Variants in MPHOSPH8 observed in about 807,000 individuals in gnomAD.
The protein encoded by MPHOSPH8 is M-phase phosphoprotein 8, also known as M-phase phosphoprotein, mpp.
A neutral mutation model predicts 87.3 loss-of-function variants in MPHOSPH8; 45 were observed. The ratio of observed to expected loss-of-function variants is 0.52; its 90% CI spans 0.41 to 0.66. MPHOSPH8 has a LOEUF of 0.66. MPHOSPH8 is among the 30% of genes least tolerant of loss of function. MPHOSPH8 has a pLI of 0.00. For missense variants in MPHOSPH8, 883 were observed against 1,020.2 expected (o/e 0.87, Z 1.83); for synonymous variants, 366 against 376.9 (o/e 0.97, Z 0.33).
chr13:19,665,522 A>T (rs1380711844), intron 9 of MPHOSPH8, among the ~76,000 whole-genome samples: 2 of 152,110 alleles, frequency 1.3e-5, no homozygotes, highest in East Asian at 3.9e-4. Flanking sequence ...GGCGTCCCTA[A>T]CCTCTGCACT....
In MPHOSPH8 at chr13:19,671,948, C is replaced by T; in HGVS notation, c.*73C>T. 1.2e-5 allele frequency: 18 copies of T among 1,461,642 alleles called. 1 individual carries two copies. In the South Asian group the frequency reaches 2.1e-4, roughly 17 times the overall value. 90.5% of individuals were successfully genotyped at this position (1,461,642 alleles called of 1,614,324 possible). On this transcript the variant is annotated 3_prime_UTR_variant, in exon 14 of 14. Coordinates refer to ENST00000361479, the MANE Select transcript of MPHOSPH8 (RefSeq NM_017520.4). ...CTCTCTTTGACAGCAGTTTGGAATT[C>T]TTCTAGCACATCTATGTAAAGTTTT...
intron 7 of MPHOSPH8, among the ~76,000 whole-genome samples, chr13:19,660,442 T>C (rs1174734172): frequency 6.6e-6 from 1 of 152,198 alleles, no homozygotes; most frequent in Non-Finnish European, 1.5e-5. Flanking sequence ...TTATATTCTT[T>C]AGTTTTTTAG....
At position 19,643,466 on chromosome 13, in the gene MPHOSPH8, G is replaced by A. The variant is rs80026208; in HGVS notation, c.369+1196G>A. Among the ~76,000 whole-genome samples, 4 of 152,040 alleles carry A rather than the reference G, an allele frequency of 2.6e-5. No homozygotes were observed. In the East Asian group the frequency reaches 5.8e-4, roughly 22 times the overall value. On this transcript the variant is annotated intron_variant, in intron 2 of 13. Coordinates refer to ENST00000361479, the MANE Select transcript of MPHOSPH8 (RefSeq NM_017520.4). ...CTCTCTCTATTGATCAGGCTGGTAG[G>A]AACTCCTGGCCTCAAGTAATCCTCG... is the stretch of plus-strand genomic sequence containing the variant.
chr13:19,670,461 C>A, intron 12 of MPHOSPH8, 98 bp downstream of exon 12: 2 of 1,369,070 alleles, frequency 1.5e-6, no homozygotes, highest in South Asian at 1.4e-5. Context: ...AAAATATAAG[C>A]ATTCAGAAAA....
chr13:19,661,638 T>A, intron 7 of MPHOSPH8, 60 bp from the exon 8 acceptor site: 2 of 1,497,412 alleles, frequency 1.3e-6, no homozygotes, highest in Non-Finnish European at 1.8e-6. Context: ...TGAGAAGACT[T>A]GGTTCTGAAA....
chr13:19,646,425 CT>C lies in MPHOSPH8; in HGVS notation c.370-17del. ...TCAATATGTTAATGAATATTTTAAT[CT>C]GTTTTGTATTTTATAGAGACTATCC... On this transcript the variant is annotated splice_polypyrimidine_tract_variant and intron_variant, in intron 2 of 13. Transcript: ENST00000361479. 7.2e-7 allele frequency: 1 copy of C among 1,397,748 alleles called. No homozygotes were observed. The highest frequency in any genetic ancestry group is 9.4e-7 in the Non-Finnish European group (1 of 1,069,180). 86.6% of individuals were successfully genotyped at this position (1,397,748 alleles called of 1,614,324 possible). A position where few individuals can be genotyped will look rare whatever the true frequency, so the allele number is the denominator to read the frequency against.
intron 12 of MPHOSPH8, chr13:19,670,869 A>T: frequency 1.8e-6 from 2 of 1,104,358 alleles, no homozygotes; most frequent in Non-Finnish European, 2.4e-6. Context: ...TCCAGGCTGG[A>T]GTGCAGTGGC....
In MPHOSPH8 at chr13:19,671,266, T is replaced by A; in HGVS notation, c.2518T>A (p.Leu840Met). The A allele has an allele frequency of 6.2e-7, 1 of 1,613,908 alleles. No individual in the cohort carries two copies. The highest frequency in any genetic ancestry group is 8.5e-7 in the Non-Finnish European group (1 of 1,179,848). Residue 840 changes from leucine to methionine, a missense_variant, in exon 13 of 14, where the codon TTG becomes ATG. By Grantham distance (15) the Leu-to-Met change is conservative. Around this residue, in one of 3 missense-constraint regions of MPHOSPH8, gnomAD observed 741 missense variants for 841.5 expected, o/e 0.88. Coordinates refer to ENST00000361479, the MANE Select transcript of MPHOSPH8 (RefSeq NM_017520.4). The stretch of plus-strand genomic sequence containing the variant: ...AGGTCCCAATAAACTCTTCATAAGG[T>A]TGACAGAAGCACCCTCTGCCAAGGT... ...VAGPNKLFIR[L>M]TEAPSAKVKL...
At position 19,651,134 on chromosome 13, in the gene MPHOSPH8, G is replaced by T. The variant is rs140263630; in HGVS notation, c.1576+874G>T. On this transcript the variant is annotated intron_variant, in intron 5 of 13. Transcript: ENST00000361479. Reference sequence around the variant, plus strand: ...ATAAAATAAGCCTCTGACACAGTTTGTTGAGAACAAAAGAAACACATGAAA... The same window carrying T: ...ATAAAATAAGCCTCTGACACAGTTTTTTGAGAACAAAAGAAACACATGAAA... 9.2e-3 allele frequency among the ~76,000 whole-genome samples: 1,395 copies of T among 152,318 alleles called. 6 individuals are homozygous for T. Among genetic ancestry groups the T allele is most frequent in the Middle Eastern group, 0.037 (11 of 294 alleles).
intron 7 of MPHOSPH8, chr13:19,659,601 C>G (rs955813963): frequency 1.0e-5 from 4 of 392,462 alleles, no homozygotes; most frequent in African/African-American, 8.4e-5. Flanking sequence ...GAGGTCAAGG[C>G]TGTGGTAAGT....
At position 19,668,403 on chromosome 13, in the gene MPHOSPH8, T is replaced by A; in HGVS notation, c.2201T>A (p.Ile734Lys). The A allele has an allele frequency of 6.2e-7, 1 of 1,613,988 alleles. No homozygotes were observed. Among genetic ancestry groups the A allele is most frequent in the Non-Finnish European group, 8.5e-7 (1 of 1,179,910 alleles). ...ETLSRVAEET[I>K]KDYFEARLAL... ...CTTTCAAGAGTAGCAGAAGAGACAATAAAGGATTACTTTGAAGCTCGCCTT... is the reference window on the plus strand; with the variant it reads ...CTTTCAAGAGTAGCAGAAGAGACAAAAAAGGATTACTTTGAAGCTCGCCTT... The change falls in exon 11 of 14, where the codon ATA becomes AAA. Residue 734 changes from isoleucine (I) to lysine (K), a missense_variant. Ile to Lys is a moderately radical substitution (Grantham distance 102, BLOSUM62 -3). Around this residue, in one of 3 missense-constraint regions of MPHOSPH8, gnomAD observed 741 missense variants for 841.5 expected, o/e 0.88. Coordinates refer to ENST00000361479, the MANE Select transcript of MPHOSPH8 (RefSeq NM_017520.4).
At chr13:19,635,213 G>A (rs1873940932) in intron 1 of MPHOSPH8, among the ~76,000 whole-genome samples, 1 of 152,200 alleles carries the variant, frequency 6.6e-6, no homozygotes. Context: ...CTGGCACACA[G>A]GAGGTATTTG....
At position 19,673,324 on chromosome 13, in the gene MPHOSPH8, G is replaced by A. The variant is rs566188150; in HGVS notation, c.*1449G>A. The A allele has an allele frequency of 2.7e-5, 8 of 298,828 alleles. No homozygotes were observed. Among genetic ancestry groups the A allele is most frequent in the African/African-American group, 6.5e-5 (3 of 46,166 alleles). The allele number at this position is 298,828 out of a possible 1,614,324, so 18.5% of individuals were successfully genotyped here. ...ATTAGTTTATAATTGTATGAAATAC[G>A]ATTTTAATGAAAACTTTTCAGAATT... On this transcript the variant is annotated 3_prime_UTR_variant, in exon 14 of 14. Coordinates refer to ENST00000361479, the MANE Select transcript of MPHOSPH8 (RefSeq NM_017520.4).
chr13:19,643,931 G>A (rs1018547554), intron 2 of MPHOSPH8, among the ~76,000 whole-genome samples: 2 of 152,140 alleles, frequency 1.3e-5, no homozygotes, highest in African/African-American at 4.8e-5. Context: ...GGTCACAACA[G>A]TATTGCATGT....
rs563575286 is a variant in MPHOSPH8 at position 19,665,234 on chromosome 13, GTGTT to G, written c.2020-1186_2020-1183del. Among the ~76,000 whole-genome samples the G allele has an allele frequency of 1.5e-3, 221 of 152,302 alleles. 1 individual carries two copies. Among genetic ancestry groups the G allele is most frequent in the African/African-American group, 5.1e-3 (213 of 41,564 alleles). On this transcript the variant is annotated intron_variant, in intron 9 of 13. Coordinates refer to ENST00000361479, the MANE Select transcript of MPHOSPH8 (RefSeq NM_017520.4). ...TTTATCTGCCATGAGGTTTATTTAAGTGTTTGTTCCTGAAAAGCTGTATTTTAAT... is the reference window on the plus strand; with the variant it reads ...TTTATCTGCCATGAGGTTTATTTAAGTGTTCCTGAAAAGCTGTATTTTAAT...
chr13:19,659,271 A>G lies in MPHOSPH8; in HGVS notation c.1773A>G (p.Glu591=), dbSNP rs200413985. 5.0e-6 allele frequency: 8 copies of G among 1,609,548 alleles called. No homozygotes were observed. The highest frequency in any genetic ancestry group is 6.8e-6 in the Non-Finnish European group (8 of 1,178,068). ...TVKVALNSNE[E]YNLDQEDSSG... ...AAGTTGCACTTAATTCAAATGAAGA[A>G]TATAACCTGGACCAAGAGGTAATAT... Residue 591 remains glutamate, a synonymous_variant, in exon 7 of 14, where the codon GAA becomes GAG. Coordinates refer to ENST00000361479, the MANE Select transcript of MPHOSPH8 (RefSeq NM_017520.4).
Position 19,661,779 on chromosome 13 carries a change from G to A in MPHOSPH8, c.1873G>A (p.Ala625Thr), listed in dbSNP as rs1425274898. The change falls in exon 8 of 14, where the codon GCG (alanine) becomes ACG (threonine). Residue 625 changes from alanine (A) to threonine (T), a missense_variant. This residue lies in a region of MPHOSPH8 where 741 missense variants were observed against 841.5 expected (regional missense o/e 0.88). Transcript: ENST00000361479. Reference sequence around the variant, plus strand: ...CCTGCGACTCCTCATCACAAAAGGCGCGAAAGTGAACGGTCGGCAGAAGAA... The same window carrying A: ...CCTGCGACTCCTCATCACAAAAGGCACGAAAGTGAACGGTCGGCAGAAGAA... ...DLLRLLITKG[A>T]KVNGRQKNGT... The A allele has an allele frequency of 3.7e-6, 6 of 1,613,472 alleles. No homozygotes were observed. The highest frequency in any genetic ancestry group is 1.1e-5 in the South Asian group (1 of 90,926).
At chr13:19,668,887 A>G (rs1039095308) in intron 11 of MPHOSPH8, among the ~76,000 whole-genome samples, 17 of 152,176 alleles carry the variant, frequency 1.1e-4, no homozygotes, top group Admixed American at 2.0e-4. Context: ...GTCTTGCTCC[A>G]TAGTAAAGCT....
chr13:19,648,537 AACGT>A lies in MPHOSPH8; in HGVS notation c.1318+17_1318+20del, dbSNP rs747929928. ...GGATTAAAGAGTGAGTGTAAATATTAACGTTTTGCCATTTACGTTGCTATCTTTT... is the reference window on the plus strand; with the variant it reads ...GGATTAAAGAGTGAGTGTAAATATTATTTGCCATTTACGTTGCTATCTTTT... On this transcript the variant is annotated intron_variant, in intron 4 of 13. Coordinates refer to ENST00000361479, the MANE Select transcript of MPHOSPH8 (RefSeq NM_017520.4). 1 of 1,378,184 alleles carries A rather than the reference AACGT, an allele frequency of 7.3e-7. No homozygotes were observed. The highest frequency in any genetic ancestry group is 9.7e-7 in the Non-Finnish European group (1 of 1,030,244). The allele number at this position is 1,378,184 out of a possible 1,614,324, so 85.4% of individuals were successfully genotyped here. A position where few individuals can be genotyped will look rare whatever the true frequency, so the allele number is the denominator to read the frequency against.
Sources: gnomAD v4.1 joint callset for allele counts (sites outside exome capture counted in the v4.1 genomes callset) on GRCh38, gnomAD v4.1.1 for gene constraint, gnomAD v4.1.1 regional missense constraint, MANE v1.5 for transcripts, NCBI Gene and HGNC (gene_info 2026-07-23, HGNC 2026-07-21) for gene names.